Variants in SGCG observed in about 807,000 individuals in gnomAD.
SGCG encodes gamma-sarcoglycan.
In SGCG, 26 loss-of-function variants were observed where a neutral mutation model predicts 29.3. That is an observed-to-expected ratio of 0.89 (90% CI 0.65 to 1.23). The LOEUF (loss-of-function observed/expected upper bound fraction) is 1.23, where lower values mean the gene tolerates loss of function less well. SGCG is among the 50% of genes most tolerant of loss of function. SGCG has a pLI of 0.00. For missense variants in SGCG, 353 were observed against 356.0 expected, an observed-to-expected ratio of 0.99 and a Z score of 0.07; for synonymous variants, 145 against 129.7, an observed-to-expected ratio of 1.12 and a Z score of -0.80.
At chr13:23,251,625 T>C (rs1879971758) in intron 4 of SGCG, among the ~76,000 whole-genome samples, 2 of 152,078 alleles carry the variant, frequency 1.3e-5, no homozygotes, top group African/African-American at 4.8e-5. Flanking sequence ...TTTTAAAAAT[T>C]AGCCAGGTGT....
intron 4 of SGCG, among the ~76,000 whole-genome samples, chr13:23,273,821 C>T (rs916569516): frequency 7.9e-5 from 12 of 152,132 alleles, no homozygotes; most frequent in Admixed American, 1.3e-4. Context: ...GAATGTGCCC[C>T]GGGCACTTGA....
chr13:23,163,149 A>G, the SGCG span, among the ~76,000 whole-genome samples: 2 of 152,208 alleles, frequency 1.3e-5, no homozygotes, highest in Non-Finnish European at 2.9e-5. Context: ...TAACAATACA[A>G]TGTTTTCTAT....
chr13:23,249,212 T>A (rs1301917429), intron 3 of SGCG, among the ~76,000 whole-genome samples: 1 of 152,156 alleles, frequency 6.6e-6, no homozygotes, highest in African/African-American at 2.4e-5. Flanking sequence ...TTGGTGTGAC[T>A]ACCCTCCCAT....
chr13:23,323,960 G>T (rs1403959795), intron 7 of SGCG, among the ~76,000 whole-genome samples: 1 of 152,188 alleles, frequency 6.6e-6, no homozygotes, highest in Non-Finnish European at 1.5e-5. Flanking sequence ...AGATAAATGT[G>T]AATCGGGAGA....
chr13:23,258,278 T>G (rs367824952), intron 4 of SGCG, among the ~76,000 whole-genome samples: 1 of 152,114 alleles, frequency 6.6e-6, no homozygotes, highest in Non-Finnish European at 1.5e-5. Context: ...TTGTAAGTTG[T>G]ATTCCTAGGT....
chr13:23,212,645 C>T (rs923096355), intron 2 of SGCG, among the ~76,000 whole-genome samples: 2 of 152,060 alleles, frequency 1.3e-5, no homozygotes, highest in Non-Finnish European at 2.9e-5. Flanking sequence ...CCCTCAAAGG[C>T]AAATTAGACA....
intron 5 of SGCG, among the ~76,000 whole-genome samples, chr13:23,289,114 A>G (rs935815793): frequency 6.6e-6 from 1 of 152,234 alleles, no homozygotes; most frequent in Non-Finnish European, 1.5e-5. Flanking sequence ...AAAAGACGTG[A>G]AGACAGATAT....
At chr13:23,224,683 C>CCCCCA (rs1566006934) in intron 2 of SGCG, among the ~76,000 whole-genome samples, 3 of 151,894 alleles carry the variant, frequency 2.0e-5, no homozygotes, top group Admixed American at 2.0e-4. Flanking sequence ...CACACACACC[C>CCCCCA]CACACCAGTG....
chr13:23,301,828 G>T (rs1021132580), intron 6 of SGCG, among the ~76,000 whole-genome samples: 1 of 151,718 alleles, frequency 6.6e-6, no homozygotes, highest in African/African-American at 2.4e-5. Context: ...GGAGGCAGAG[G>T]TTGCAGTGAG....
Position 23,324,502 on chromosome 13 carries a change from G to A in SGCG, c.837G>A (p.Val279=). Residue 279 remains valine (V), a synonymous_variant, in exon 8 of 8, where the codon GTG becomes GTA. Coordinates refer to ENST00000218867, the MANE Select transcript of SGCG (RefSeq NM_000231.3). ...DGKLYLSVAG[V]STTCQEHNHI... Reference sequence around the variant, plus strand: ...AGCTGTACCTGTCTGTGGCCGGTGTGAGCACCACGTGCCAGGAGCACAACC... The same window carrying A: ...AGCTGTACCTGTCTGTGGCCGGTGTAAGCACCACGTGCCAGGAGCACAACC... 1 of 1,613,186 alleles carries A rather than the reference G, an allele frequency of 6.2e-7. No individual in the cohort carries two copies. The highest frequency in any genetic ancestry group is 1.3e-5 in the African/African-American group (1 of 74,976).
chr13:23,236,126 C>T (rs1388379487), intron 3 of SGCG, among the ~76,000 whole-genome samples: 2 of 152,202 alleles, frequency 1.3e-5, no homozygotes, highest in Non-Finnish European at 2.9e-5. Context: ...CTTACCCTTA[C>T]CTTATGTCAT....
chr13:23,224,410 A>G (rs1235165556), intron 2 of SGCG, among the ~76,000 whole-genome samples: 2 of 152,192 alleles, frequency 1.3e-5, no homozygotes, highest in Non-Finnish European at 2.9e-5. Flanking sequence ...ATGGGGATCT[A>G]GTCTAATACA....
chr13:23,303,546 G>T (rs1243383326), intron 6 of SGCG, among the ~76,000 whole-genome samples: 2 of 152,220 alleles, frequency 1.3e-5, no homozygotes, highest in African/African-American at 4.8e-5. Context: ...CGAGAGTGGG[G>T]AGTTGAGGCT....
At chr13:23,302,046 C>T (rs546832) in intron 6 of SGCG, among the ~76,000 whole-genome samples, 150,280 of 152,224 alleles carry the variant, frequency 0.99, 74,214 homozygotes, top group Middle Eastern at 1. Flanking sequence ...TTAAAACGTA[C>T]GGATGGAATC....
At chr13:23,171,257 C>A in the SGCG span, among the ~76,000 whole-genome samples, 159 of 152,182 alleles carry the variant, frequency 1.0e-3, no homozygotes, top group Admixed American at 2.7e-3. Context: ...ATGTCAGACA[C>A]CTTTTGTACA....
intron 2 of SGCG, among the ~76,000 whole-genome samples, chr13:23,208,859 T>TTTAGTTATAGTATTCTA (rs1198546220): frequency 6.6e-6 from 1 of 152,104 alleles, no homozygotes; most frequent in African/African-American, 2.4e-5. Context: ...GCAATATTAG[T>TTTAGTTATAGTATTCTA]TTAGTTATAG....
At chr13:23,182,397 T>A (rs758572632) in intron 1 of SGCG, among the ~76,000 whole-genome samples, 1 of 152,112 alleles carries the variant, frequency 6.6e-6, no homozygotes, top group Non-Finnish European at 1.5e-5. Context: ...GTCCTGAGGA[T>A]GACTCTGCTA....
chr13:23,237,283 A>C (rs553642477), intron 3 of SGCG, among the ~76,000 whole-genome samples: 1 of 152,326 alleles, frequency 6.6e-6, no homozygotes, highest in African/African-American at 2.4e-5. Flanking sequence ...CTTTAAACAA[A>C]AAGGGTTTTA....
chr13:23,258,153 A>G (rs761306354), intron 4 of SGCG, among the ~76,000 whole-genome samples: 3 of 152,192 alleles, frequency 2.0e-5, no homozygotes, highest in Non-Finnish European at 2.9e-5. Flanking sequence ...GGCCGTTTTC[A>G]CGATATTGAT....
Sources: allele counts gnomAD v4.1 joint callset (sites outside exome capture counted in the v4.1 genomes callset), GRCh38; gene constraint gnomAD v4.1.1; transcripts MANE v1.5; gene names NCBI Gene and HGNC (gene_info 2026-07-23, HGNC 2026-07-21).